Variants in MIPOL1 observed in about 807,000 individuals in gnomAD.
MIPOL1 encodes mirror-image polydactyly 1, also known as mirror-image polydactyly gene 1 protein.
In MIPOL1, 57 loss-of-function variants were observed where a neutral mutation model predicts 60.9. The observed-to-expected ratio is 0.94, with a 90% CI of 0.76 to 1.17. MIPOL1 has a LOEUF of 1.17. MIPOL1 is among the 50% of genes most tolerant of loss of function. The pLI is 0.00. For synonymous variants in MIPOL1, 179 were observed against 168.8 expected, an observed-to-expected ratio of 1.06 and a Z score of -0.47; for missense variants, 551 against 511.6, an observed-to-expected ratio of 1.08 and a Z score of -0.74.
chr14:37,472,611 G>T (rs1381631692), intron 11 of MIPOL1, among the ~76,000 whole-genome samples: 1 of 152,052 alleles, frequency 6.6e-6, no homozygotes, highest in Non-Finnish European at 1.5e-5. Context: ...ATCTTGTAAA[G>T]ATAATTTTAT....
At chr14:37,198,750 T>C (rs1964746735) in intron 1 of MIPOL1, among the ~76,000 whole-genome samples, 1 of 152,158 alleles carries the variant, frequency 6.6e-6, no homozygotes, top group Non-Finnish European at 1.5e-5. Flanking sequence ...CCTTTGAGCA[T>C]TTTATGCAGG....
intron 8 of MIPOL1, 120 bp from the exon 9 acceptor site, chr14:37,308,228 TG>T: frequency 8.3e-7 from 1 of 1,199,032 alleles, no homozygotes. Context: ...TGCTGCAATA[TG>T]AAAATTCAAT....
chr14:37,478,534 A>G (rs1351710669), intron 11 of MIPOL1, among the ~76,000 whole-genome samples: 4 of 152,148 alleles, frequency 2.6e-5, no homozygotes, highest in Non-Finnish European at 4.4e-5. Context: ...CCACCAGAAA[A>G]CAATTAGCAA....
chr14:37,324,486 C>T (rs971370733), intron 9 of MIPOL1, among the ~76,000 whole-genome samples: 2 of 151,964 alleles, frequency 1.3e-5, no homozygotes, highest in East Asian at 1.9e-4. Context: ...TTGTCAGATA[C>T]GTGTATTAAA....
At chr14:37,247,943 G>A in intron 3 of MIPOL1, 36 bp downstream of exon 3, 1 of 1,608,312 alleles carries the variant, frequency 6.2e-7, no homozygotes, top group Non-Finnish European at 8.5e-7. Flanking sequence ...CAAGCCCCAG[G>A]TGTTGTTCTA....
intron 10 of MIPOL1, among the ~76,000 whole-genome samples, chr14:37,413,004 G>A (rs1047489461): frequency 2.0e-5 from 3 of 152,008 alleles, no homozygotes; most frequent in African/African-American, 7.2e-5. Context: ...TTACAATTAG[G>A]CAGAATTTAT....
intron 1 of MIPOL1, among the ~76,000 whole-genome samples, chr14:37,222,500 A>G (rs1968982840): frequency 6.6e-6 from 1 of 151,982 alleles, no homozygotes; most frequent in African/African-American, 2.4e-5. Flanking sequence ...TTCTTCTGCC[A>G]GATATCTTAG....
chr14:37,438,221 T>G (rs2094192229), intron 11 of MIPOL1, among the ~76,000 whole-genome samples: 1 of 152,170 alleles, frequency 6.6e-6, no homozygotes, highest in South Asian at 2.1e-4. Context: ...ATGAAAAACA[T>G]GTTTTCCAAA....
rs540691029 is a variant in MIPOL1, at chr14:37,454,759, G to A, written c.1031+31810G>A. 6.4e-4 allele frequency among the ~76,000 whole-genome samples: 98 copies of A among 152,264 alleles called. 1 individual carries two copies. The South Asian group carries it at 0.015, about 23-fold the overall frequency. On this transcript the variant is annotated intron_variant, in intron 11 of 12. Transcript: ENST00000684589. ...AAATCCATGTGGTAAATAAAGTATT[G>A]TCAAAGTATTAACTAGGTAATAAAT...
chr14:37,445,557 A>C (rs2094320093), intron 11 of MIPOL1, among the ~76,000 whole-genome samples: 1 of 151,500 alleles, frequency 6.6e-6, no homozygotes, highest in South Asian at 2.1e-4. Context: ...TTCTTCACAG[A>C]ATTGGAAAAA....
At chr14:37,266,910 C>T in intron 3 of MIPOL1, 28 bp from the exon 4 acceptor site, 1 of 1,430,224 alleles carries the variant, frequency 7.0e-7, no homozygotes, top group Non-Finnish European at 9.8e-7. Context: ...TTTAATATAT[C>T]ATGTGTTATT....
intron 4 of MIPOL1, among the ~76,000 whole-genome samples, chr14:37,267,402 C>T (rs1053934327): frequency 6.6e-5 from 10 of 151,898 alleles, no homozygotes; most frequent in African/African-American, 9.7e-5. Context: ...TCATGAGAAT[C>T]GCTTGAACCT....
chr14:37,218,577 T>C (rs1425423514), intron 1 of MIPOL1, among the ~76,000 whole-genome samples: 1 of 152,160 alleles, frequency 6.6e-6, no homozygotes, highest in Non-Finnish European at 1.5e-5. Flanking sequence ...CTTGAAAATA[T>C]TGTGTATTCT....
intron 1 of MIPOL1, among the ~76,000 whole-genome samples, chr14:37,236,917 C>G (rs1229932403): frequency 6.6e-6 from 1 of 152,054 alleles, no homozygotes; most frequent in Non-Finnish European, 1.5e-5. Flanking sequence ...TAATCTGATC[C>G]AGGGGATCAT....
At chr14:37,381,358 C>T (rs745677994) in intron 10 of MIPOL1, among the ~76,000 whole-genome samples, 1 of 151,768 alleles carries the variant, frequency 6.6e-6, no homozygotes, top group Non-Finnish European at 1.5e-5. Flanking sequence ...TTTTTCTGAC[C>T]CTATTGACTT....
At chr14:37,510,185 A>G (rs1166862855) in intron 12 of MIPOL1, among the ~76,000 whole-genome samples, 1 of 151,994 alleles carries the variant, frequency 6.6e-6, no homozygotes, top group Non-Finnish European at 1.5e-5. Flanking sequence ...GACTGTATAT[A>G]TGTATGGTTT....
chr14:37,389,007 C>G (rs536347977), intron 10 of MIPOL1, among the ~76,000 whole-genome samples: 1 of 152,112 alleles, frequency 6.6e-6, no homozygotes, highest in Non-Finnish European at 1.5e-5. Flanking sequence ...AACAGAAATT[C>G]TAGAATTGGG....
intron 3 of MIPOL1, among the ~76,000 whole-genome samples, chr14:37,257,092 GTTT>G (rs1159313584): frequency 1.7e-5 from 1 of 58,532 alleles, no homozygotes. Context: ...TTTTGGTTTT[GTTT>G]TGTGTGTGTG....
chr14:37,518,830 C>T (rs984137508), intron 12 of MIPOL1, among the ~76,000 whole-genome samples: 11 of 152,106 alleles, frequency 7.2e-5, no homozygotes, highest in Admixed American at 5.2e-4. Flanking sequence ...AGCAAATGCT[C>T]ACAGATTTAA....
Sources: gnomAD v4.1 joint callset for allele counts (sites outside exome capture counted in the v4.1 genomes callset) on GRCh38, gnomAD v4.1.1 for gene constraint, MANE v1.5 for transcripts, NCBI Gene and HGNC (gene_info 2026-07-23, HGNC 2026-07-21) for gene names.